Variants in MMRN1 observed in about 807,000 individuals in gnomAD.
MMRN1 encodes multimerin 1, also known as multimerin-1.
Under a neutral mutation model 100.7 loss-of-function variants are expected in MMRN1, and 94 were observed. The ratio of observed to expected loss-of-function variants is 0.93; its 90% CI spans 0.79 to 1.11. The LOEUF (loss-of-function observed/expected upper bound fraction) is 1.11, where lower values mean the gene tolerates loss of function less well. Ranked by LOEUF, MMRN1 falls within the 50% of genes least tolerant of loss-of-function variation. The probability of loss-of-function intolerance (pLI) is 0.00; values close to 1 mark genes in which losing one functional copy is unlikely to be tolerated. For missense variants in MMRN1, 1,606 were observed against 1,439.1 expected (o/e 1.12, Z -1.88); for synonymous variants, 575 against 505.0 (o/e 1.14, Z -1.86).
upstream of MMRN1, among the ~76,000 whole-genome samples, chr4:89,892,997 T>C (rs756634356): frequency 2.6e-5 from 4 of 152,096 alleles, no homozygotes; most frequent in Non-Finnish European, 5.9e-5. Flanking sequence ...GGAACATTTT[T>C]CCTAAATTTT....
chr4:89,924,218 G>A (rs1722175291), intron 4 of MMRN1, among the ~76,000 whole-genome samples: 1 of 152,166 alleles, frequency 6.6e-6, no homozygotes, highest in South Asian at 2.1e-4. Flanking sequence ...AGCAGAAGAT[G>A]AGCCATCAGC....
chr4:89,931,271 G>A (rs542904229), intron 5 of MMRN1, among the ~76,000 whole-genome samples: 1 of 152,170 alleles, frequency 6.6e-6, no homozygotes, highest in East Asian at 1.9e-4. Flanking sequence ...ATATCAAGAT[G>A]CTCAAACAAT....
At chr4:89,897,016 G>A (rs1721226845) in intron 1 of MMRN1, among the ~76,000 whole-genome samples, 1 of 151,688 alleles carries the variant, frequency 6.6e-6, no homozygotes, top group Non-Finnish European at 1.5e-5. Flanking sequence ...CTCACTTTGG[G>A]GGACAACAGG....
intron 1 of MMRN1, among the ~76,000 whole-genome samples, chr4:89,906,284 C>T (rs952708117): frequency 2.6e-5 from 4 of 151,516 alleles, no homozygotes; most frequent in African/African-American, 7.3e-5. Flanking sequence ...ATCCTTTCCC[C>T]TCTCTATTTT....
At chr4:89,944,942 C>T (rs1002177579) in intron 6 of MMRN1, among the ~76,000 whole-genome samples, 5 of 152,084 alleles carry the variant, frequency 3.3e-5, no homozygotes, top group African/African-American at 9.7e-5. Context: ...AGTCGTATAA[C>T]CTTCACCATA....
chr4:89,911,854 A>G (rs1721760173), intron 2 of MMRN1, 90 bp from the exon 3 acceptor site: 1 of 803,616 alleles, frequency 1.2e-6, no homozygotes, highest in African/African-American at 1.8e-5. Flanking sequence ...TATTGTAGGC[A>G]TTGCCCCAAA....
intron 1 of MMRN1, among the ~76,000 whole-genome samples, chr4:89,897,537 T>G (rs1339878378): frequency 6.6e-6 from 1 of 152,032 alleles, no homozygotes; most frequent in Non-Finnish European, 1.5e-5. Flanking sequence ...GGAAATATAA[T>G]AAACAGAAAA....
At position 89,936,219 on chromosome 4, in the gene MMRN1, A is replaced by G; in HGVS notation, c.2539A>G (p.Lys847Glu). ...YQQNMSHLEE[K>E]LLLTTKISKN... ...GCAAAATATGAGTCATTTGGAAGAA[A>G]AACTACTCTTAACTACCAAGATTTC... Residue 847 changes from lysine (K) to glutamate (E), a missense_variant, in exon 6 of 8, where the codon AAA (lysine) becomes GAA (glutamate). Physicochemically the swap from Lys to Glu is moderately conservative, Grantham distance 56. Coordinates refer to ENST00000264790, the MANE Select transcript of MMRN1 (RefSeq NM_007351.3). 6.2e-7 allele frequency: 1 copy of G among 1,606,000 alleles called. No homozygotes were observed. Among genetic ancestry groups the G allele is most frequent in the Non-Finnish European group, 8.5e-7 (1 of 1,177,864 alleles).
rs532080037 is a variant in MMRN1, at chr4:89,931,377, G to A, written c.1129+3409G>A. On this transcript the variant is annotated intron_variant, in intron 5 of 7. Transcript: ENST00000264790. ...TACTTACAAAATGGAGACATGTGGA[G>A]CCTATTTTTTTAATCCTAGGATGAT... Among the ~76,000 whole-genome samples, 528 of 152,154 alleles carry A rather than the reference G, an allele frequency of 3.5e-3. 1 individual carries two copies. The highest frequency in any genetic ancestry group is 0.012 in the African/African-American group (516 of 41,524).
At chr4:89,909,515 A>G in intron 2 of MMRN1, 120 bp downstream of exon 2, 1 of 1,263,794 alleles carries the variant, frequency 7.9e-7, no homozygotes. Flanking sequence ...GATGGTAGTC[A>G]CATTATGCTT....
chr4:89,948,107 C>T (rs549538871), intron 6 of MMRN1, among the ~76,000 whole-genome samples: 1 of 152,294 alleles, frequency 6.6e-6, no homozygotes, highest in Admixed American at 6.5e-5. Context: ...CCGCCTCAGC[C>T]TCCCAAAGTG....
Position 89,936,806 on chromosome 4 carries a change from G to T in MMRN1, c.3118+8G>T. 1 of 1,560,238 alleles carries T rather than the reference G, an allele frequency of 6.4e-7. No homozygotes were observed. Among genetic ancestry groups the T allele is most frequent in the Non-Finnish European group, 8.6e-7 (1 of 1,160,438 alleles). On this transcript the variant is annotated splice_region_variant and intron_variant, in intron 6 of 7. Transcript: ENST00000264790. ...ACAACATAATATATCCTGGTAAGCT[G>T]TTACTGAAAAGTAACTTTTAATCTC... is the stretch of plus-strand genomic sequence containing the variant.
At chr4:89,948,315 G>A (rs1038611031) in intron 6 of MMRN1, among the ~76,000 whole-genome samples, 6 of 152,074 alleles carry the variant, frequency 3.9e-5, no homozygotes, top group African/African-American at 1.2e-4. Flanking sequence ...TTGGAGGAAC[G>A]CATGAGACAT....
intron 3 of MMRN1, among the ~76,000 whole-genome samples, chr4:89,920,193 T>A (rs1205899555): frequency 6.6e-6 from 1 of 152,120 alleles, no homozygotes; most frequent in East Asian, 1.9e-4. Flanking sequence ...TGCCAACAGT[T>A]GTGGCTTTAT....
chr4:89,943,046 T>G (rs1722883416), intron 6 of MMRN1, among the ~76,000 whole-genome samples: 1 of 152,078 alleles, frequency 6.6e-6, no homozygotes, highest in South Asian at 2.1e-4. Flanking sequence ...AGGGGACTCA[T>G]GTAAGAGCAG....
chr4:89,916,869 C>A (rs949143401), intron 3 of MMRN1, among the ~76,000 whole-genome samples: 5 of 151,652 alleles, frequency 3.3e-5, no homozygotes, highest in African/African-American at 9.7e-5. Flanking sequence ...GTCTCAAATT[C>A]TTTTGACCCT....
chr4:89,904,098 TC>T (rs992094484), intron 1 of MMRN1, among the ~76,000 whole-genome samples: 7 of 151,672 alleles, frequency 4.6e-5, no homozygotes, highest in Non-Finnish European at 8.9e-5. Flanking sequence ...CTCATTCCCC[TC>T]CTCCTCTCTT....
At chr4:89,885,371 T>C (rs903307785) in intron 1 of MMRN1, among the ~76,000 whole-genome samples, 5 of 152,096 alleles carry the variant, frequency 3.3e-5, no homozygotes, top group Non-Finnish European at 5.9e-5. Flanking sequence ...AAGATACTGG[T>C]CTGAAGTTTT....
At chr4:89,884,086 T>C (rs1720879578) in intron 1 of MMRN1, among the ~76,000 whole-genome samples, 1 of 152,168 alleles carries the variant, frequency 6.6e-6, no homozygotes, top group Admixed American at 6.6e-5. Context: ...TTTCTATTTT[T>C]ACACCAATAT....
Sources: allele counts gnomAD v4.1 joint callset (sites outside exome capture counted in the v4.1 genomes callset), GRCh38; gene constraint gnomAD v4.1.1; transcripts MANE v1.5; gene names NCBI Gene and HGNC (gene_info 2026-07-23, HGNC 2026-07-21).